Variants in TBC1D17 observed in about 807,000 individuals in gnomAD.
TBC1D17 encodes TBC1 domain family member 17, also known as TBC1 domain family, member 17.
In TBC1D17, 69 loss-of-function variants were observed where a neutral mutation model predicts 78.8. That is an observed-to-expected ratio of 0.88 (90% CI 0.72 to 1.07). The LOEUF is 1.07. Among genes scored for constraint, TBC1D17 ranks in the 50% least tolerant of loss-of-function variants. TBC1D17 has a pLI of 0.00. For missense variants in TBC1D17, 957 were observed against 861.0 expected (o/e 1.11, Z -1.39); for synonymous variants, 456 against 358.3 (o/e 1.27, Z -3.08).
intron 3 of TBC1D17, chr19:49,878,807 C>A (rs1456638791): frequency 1.9e-6 from 1 of 518,478 alleles, no homozygotes; most frequent in Admixed American, 3.3e-5. Context: ...GGACGGCTGA[C>A]CCCTCTCTCC....
chr19:49,881,454 G>A lies in TBC1D17; in HGVS notation c.506G>A (p.Ser169Asn). The A allele has an allele frequency of 2.5e-6, 4 of 1,609,914 alleles. No homozygotes were observed. Among genetic ancestry groups the A allele is most frequent in the South Asian group, 1.1e-5 (1 of 91,020 alleles). Residue 169 changes from serine to asparagine, a missense_variant, in exon 5 of 17, where the codon AGC becomes AAC. Coordinates refer to ENST00000221543, the MANE Select transcript of TBC1D17 (RefSeq NM_024682.3). ...ACCCGCGCCCTGCTCCGCGTCCTCA[G>A]CCGCTACCTGCTGTTGGCCAGGTGA... Reference protein sequence around the residue: ...GGTRALLRVLSRYLLLASSPQ... With the variant: ...GGTRALLRVLNRYLLLASSPQ...
rs1487728172 is a variant in TBC1D17 at position 49,887,842 on chromosome 19, T to TCCGGCC, written c.1659+12_1659+17dup. On this transcript the variant is annotated intron_variant, in intron 15 of 16. Coordinates refer to ENST00000221543, the MANE Select transcript of TBC1D17 (RefSeq NM_024682.3). ...TCCAATGAGATCCTCAAGGTGAGGCTCCGGCCCCGCCCCCGCCCTGTCCCC... is the reference window on the plus strand; with the variant it reads ...TCCAATGAGATCCTCAAGGTGAGGCTCCGGCCCCGGCCCCGCCCCCGCCCTGTCCCC... 6.2e-7 allele frequency: 1 copy of TCCGGCC among 1,600,656 alleles called. No homozygotes were observed.
At position 49,887,224 on chromosome 19, in the gene TBC1D17, C is replaced by G. The variant is rs888557880; in HGVS notation, c.1445-252C>G. On this transcript the variant is annotated intron_variant, in intron 13 of 16. Coordinates refer to ENST00000221543, the MANE Select transcript of TBC1D17 (RefSeq NM_024682.3). ...GCGGGCAGAGGTCTGTTTCGTCGGGCGTGCTGGGCGTCCTGCCTCCCTTCC... is the reference window on the plus strand; with the variant it reads ...GCGGGCAGAGGTCTGTTTCGTCGGGGGTGCTGGGCGTCCTGCCTCCCTTCC... 35 of 498,338 alleles carry G rather than the reference C, an allele frequency of 7.0e-5. No homozygotes were observed. In the East Asian group the frequency reaches 1.3e-3, roughly 19 times the overall value. 30.9% of individuals were successfully genotyped at this position (498,338 alleles called of 1,614,324 possible). A position where few individuals can be genotyped will look rare whatever the true frequency, so the allele number is the denominator to read the frequency against.
At chr19:49,879,973 C>T (rs2074997913) in intron 3 of TBC1D17, among the ~76,000 whole-genome samples, 2 of 151,874 alleles carry the variant, frequency 1.3e-5, no homozygotes, top group Admixed American at 6.6e-5. Flanking sequence ...CCTTTCTCAC[C>T]CTCCCGAGTA....
At chr19:49,885,283 T>G in intron 13 of TBC1D17, 1 of 159,182 alleles carries the variant, frequency 6.3e-6, no homozygotes, top group Non-Finnish European at 1.4e-5. Context: ...CTGTCTCTAC[T>G]AAAAATACAA....
intron 7 of TBC1D17, 82 bp downstream of exon 7, chr19:49,882,482 C>T (rs911614171): frequency 6.5e-6 from 10 of 1,539,464 alleles, no homozygotes; most frequent in Non-Finnish European, 7.9e-6. Flanking sequence ...GCCTCAGTTT[C>T]CTCTTTGGTA....
chr19:49,881,340 G>C lies in TBC1D17; in HGVS notation c.392G>C (p.Arg131Pro), dbSNP rs764452231. The C allele has an allele frequency of 6.2e-7, 1 of 1,613,274 alleles. No homozygotes were observed. The highest frequency in any genetic ancestry group is 1.1e-5 in the South Asian group (1 of 91,076). The change falls in exon 5 of 17, where the codon CGC becomes CCC. Residue 131 changes from arginine (R) to proline (P), a missense_variant. Physicochemically the swap from Arg to Pro is moderately radical, Grantham distance 103. Transcript: ENST00000221543. ...VSLGELKSIR[R>P]SKPGLSWAYL... ...CTGGGGGAGCTAAAGTCCATCCGCC[G>C]CTCCAAGCCAGGCCTCAGCTGGGCC...
intron 15 of TBC1D17, 22 bp downstream of exon 15, chr19:49,887,856 CG>C: frequency 1.9e-6 from 3 of 1,579,760 alleles, no homozygotes; most frequent in Non-Finnish European, 2.6e-6. Flanking sequence ...GCCCCGCCCC[CG>C]CCCTGTCCCC....
At chr19:49,877,932 C>A (rs1034781259) in intron 1 of TBC1D17, 188 bp downstream of exon 1, 3 of 774,508 alleles carry the variant, frequency 3.9e-6, no homozygotes, top group Non-Finnish European at 4.0e-6. Context: ...CCCGCCCCCC[C>A]GGCTCAGGCG....
rs779748139 is a variant in TBC1D17 at position 49,882,268 on chromosome 19, C to T, written c.666C>T (p.Thr222=). The stretch of plus-strand genomic sequence containing the variant: ...GCTTCCTCCAGGATCCCTACTCCAC[C>T]ACCTTCAGCAGCTTCTCCCGAGTGA... The part of the protein sequence containing the change: ...VSRFLQDPYS[T]TFSSFSRVTN... The change falls in exon 7 of 17, where the codon ACC becomes ACT. Residue 222 remains threonine, a synonymous_variant. Transcript: ENST00000221543. 6.2e-6 allele frequency: 10 copies of T among 1,612,212 alleles called. No homozygotes were observed. The highest frequency in any genetic ancestry group is 2.7e-5 in the African/African-American group (2 of 74,912).
intron 5 of TBC1D17, 112 bp downstream of exon 5, chr19:49,881,587 CAA>C: frequency 9.3e-7 from 1 of 1,071,844 alleles, no homozygotes; most frequent in Non-Finnish European, 1.3e-6. Context: ...TAAAGGCAGG[CAA>C]AGAGTTGACC....
At chr19:49,881,206 T>C in intron 4 of TBC1D17, 62 bp from the exon 5 acceptor site, 4 of 1,468,220 alleles carry the variant, frequency 2.7e-6, no homozygotes, top group Non-Finnish European at 2.8e-6. Flanking sequence ...TCCTGGGTTG[T>C]GGTTGATAAG....
At position 49,885,710 on chromosome 19, in the gene TBC1D17, C is replaced by T. The variant is rs188644497; in HGVS notation, c.1444+952C>T. 7.2e-5 allele frequency among the ~76,000 whole-genome samples: 11 copies of T among 151,822 alleles called. No homozygotes were observed. The East Asian group carries it at 1.6e-3, about 21-fold the overall frequency. On this transcript the variant is annotated intron_variant, in intron 13 of 16. Coordinates refer to ENST00000221543, the MANE Select transcript of TBC1D17 (RefSeq NM_024682.3). ...TGGGCGCAATGTCATCCTGGGATCA[C>T]GCCTGTAATCCCAGCACTTTGGGAG... is the stretch of plus-strand genomic sequence containing the variant.
intron 5 of TBC1D17, 118 bp downstream of exon 5, chr19:49,881,593 G>A: frequency 9.9e-7 from 1 of 1,013,022 alleles, no homozygotes; most frequent in Middle Eastern, 3.2e-4. Flanking sequence ...CAGGCAAAGA[G>A]TTGACCAGCA....
intron 9 of TBC1D17, among the ~76,000 whole-genome samples, chr19:49,883,388 G>A (rs2075032640): frequency 2.0e-5 from 3 of 152,228 alleles, no homozygotes; most frequent in African/African-American, 7.2e-5. Context: ...GGATGCAGCA[G>A]TGCTGGACGA....
rs776760091 is a variant in TBC1D17, at chr19:49,881,385, A to G, written c.437A>G (p.Gln146Arg). The change falls in exon 5 of 17, where the codon CAG (glutamine) becomes CGG (arginine). Residue 146 changes from glutamine (Q) to arginine (R), a missense_variant. By Grantham distance (43) the Gln-to-Arg change is conservative. Coordinates refer to ENST00000221543, the MANE Select transcript of TBC1D17 (RefSeq NM_024682.3). ...TGGGCCTACCTGGTTCTGGTGACCC[A>G]GGCTGGAGGTTCCCTGCCCGCACTG... ...LSWAYLVLVT[Q>R]AGGSLPALHF... 29 of 1,613,112 alleles carry G rather than the reference A, an allele frequency of 1.8e-5. No homozygotes were observed. Among genetic ancestry groups the G allele is most frequent in the Non-Finnish European group, 2.5e-5 (29 of 1,179,982 alleles).
At chr19:49,884,627 T>C in intron 12 of TBC1D17, 32 bp from the exon 13 acceptor site, 3 of 1,613,520 alleles carry the variant, frequency 1.9e-6, no homozygotes, top group Non-Finnish European at 2.5e-6. Context: ...CCTCACGGGG[T>C]CTGCTCTTTC....
intron 13 of TBC1D17, chr19:49,887,132 C>T (rs749796363): frequency 9.3e-6 from 3 of 322,840 alleles, no homozygotes; most frequent in African/African-American, 2.6e-5. Context: ...CCATCGCACC[C>T]GGCCTTCAGC....
rs1003583239 is a variant in TBC1D17 at position 49,882,800 on chromosome 19, C to T, written c.835C>T (p.Pro279Ser). The change falls in exon 8 of 17, where the codon CCT (proline) becomes TCT (serine). Residue 279 changes from proline to serine, a missense_variant. Transcript: ENST00000221543. ...LGPRPTVERG[P>S]PVTEEEWARH... ...GCCTCGGCCAACCGTGGAGCGGGGC[C>T]CTCCAGTTACAGAGGAGGAGTGGGC... 3.1e-6 allele frequency: 5 copies of T among 1,604,402 alleles called. No homozygotes were observed. The highest frequency in any genetic ancestry group is 2.2e-5 in the East Asian group (1 of 44,718).
Sources: allele counts gnomAD v4.1 joint callset (sites outside exome capture counted in the v4.1 genomes callset), GRCh38; gene constraint gnomAD v4.1.1; transcripts MANE v1.5; gene names NCBI Gene and HGNC (gene_info 2026-07-23, HGNC 2026-07-21).